The following RB1 variants were observed in gnomAD, a reference collection of about 807,000 sequenced individuals.
The protein encoded by RB1 is RB transcriptional corepressor 1.
A neutral mutation model predicts 135.4 loss-of-function variants in RB1; 18 were observed. That is an observed-to-expected ratio of 0.13 (90% CI 0.09 to 0.20). The LOEUF (loss-of-function observed/expected upper bound fraction) is 0.20. RB1 is among the 10% of genes least tolerant of loss of function. The pLI is 1.00. For synonymous variants in RB1, 365 were observed against 373.2 expected (o/e 0.98, Z 0.25); for missense variants, 868 against 1,110.0 (o/e 0.78, Z 3.10).
At chr13:48,320,275 C>T (rs1434017662) in intron 2 of RB1, 10 of 1,196,038 alleles carry the variant, frequency 8.4e-6, no homozygotes, top group African/African-American at 1.5e-5. Flanking sequence ...CTGTGCAGCG[C>T]GCTCATCGGT....
chr13:48,335,379 G>A (rs560899972), intron 2 of RB1, among the ~76,000 whole-genome samples: 2 of 151,686 alleles, frequency 1.3e-5, no homozygotes, highest in Non-Finnish European at 1.5e-5. Context: ...TTTAAGTTTT[G>A]TGGGTACATA....
chr13:48,343,734 G>A (rs1952467503), intron 3 of RB1, among the ~76,000 whole-genome samples: 1 of 152,140 alleles, frequency 6.6e-6, no homozygotes, highest in Non-Finnish European at 1.5e-5. Flanking sequence ...ATGCTATTCT[G>A]AGGCTGATTT....
At chr13:48,372,877 T>TAAAA (rs1952776037) in intron 11 of RB1, among the ~76,000 whole-genome samples, 1 of 152,160 alleles carries the variant, frequency 6.6e-6, no homozygotes, top group South Asian at 2.1e-4. Flanking sequence ...TACACACACA[T>TAAAA]AAAATTATAG....
chr13:48,396,025 A>G (rs1189873477), intron 17 of RB1, among the ~76,000 whole-genome samples: 1 of 152,224 alleles, frequency 6.6e-6, no homozygotes, highest in African/African-American at 2.4e-5. Flanking sequence ...AAAACATTCC[A>G]TGCTCATGGA....
Position 48,473,346 on chromosome 13 carries a change from T to C in RB1, c.2490-14T>C, listed in dbSNP as rs1349397582. On this transcript the variant is annotated splice_polypyrimidine_tract_variant and intron_variant, in intron 23 of 26. Coordinates refer to ENST00000267163, the MANE Select transcript of RB1 (RefSeq NM_000321.3). ...TTTTTTATTACTAATTGGTATTTCA[T>C]CTTAACTTGACAGAATCTTAGTATC... 1.3e-6 allele frequency: 2 copies of C among 1,569,486 alleles called. No individual in the cohort carries two copies. Among genetic ancestry groups the C allele is most frequent in the Non-Finnish European group, 1.8e-6 (2 of 1,141,130 alleles).
chr13:48,346,370 ATGTGTGTGTGTGTGTGTGTGTGTG>A (rs61503219), intron 4 of RB1, among the ~76,000 whole-genome samples: 29 of 131,132 alleles, frequency 2.2e-4, no homozygotes, highest in Middle Eastern at 3.8e-3. Context: ...TATTATATAT[ATGTGTGTGTGTGTGTGTGTGTGTG>A]TGTGTGTGTG....
At chr13:48,455,249 T>C (rs4151584) in intron 18 of RB1, among the ~76,000 whole-genome samples, 4,323 of 152,326 alleles carry the variant, frequency 0.028, 107 homozygotes, top group South Asian at 0.041. Flanking sequence ...AGCTATTCTT[T>C]GAGATGGGAA....
chr13:48,449,065 G>C (rs1949309126), intron 17 of RB1, among the ~76,000 whole-genome samples: 1 of 152,034 alleles, frequency 6.6e-6, no homozygotes, highest in African/African-American at 2.4e-5. Context: ...GTATTGCTTA[G>C]GCATGAGTAA....
intron 5 of RB1, 66 bp downstream of exon 5, chr13:48,347,929 A>G: frequency 8.1e-7 from 1 of 1,231,756 alleles, no homozygotes; most frequent in Non-Finnish European, 1.2e-6. Flanking sequence ...AATCTCAAAC[A>G]TCTTGATAGT....
At chr13:48,459,539 C>A in intron 19 of RB1, 149 bp from the exon 20 acceptor site, 1 of 799,412 alleles carries the variant, frequency 1.3e-6, no homozygotes, top group Non-Finnish European at 2.1e-6. Flanking sequence ...ACATGTTTCT[C>A]TGGGGGAAAG....
At chr13:48,334,844 A>G (rs1435942784) in intron 2 of RB1, among the ~76,000 whole-genome samples, 10 of 152,172 alleles carry the variant, frequency 6.6e-5, no homozygotes, top group African/African-American at 2.4e-4. Flanking sequence ...ATAATTGGTA[A>G]TCTCTTCAAG....
chr13:48,461,996 C>G (rs1222009895), intron 20 of RB1, among the ~76,000 whole-genome samples: 1 of 152,028 alleles, frequency 6.6e-6, no homozygotes, highest in Non-Finnish European at 1.5e-5. Flanking sequence ...CCACACCTGG[C>G]TAATTTCTGT....
At chr13:48,402,296 A>G (rs1948698867) in intron 17 of RB1, among the ~76,000 whole-genome samples, 1 of 152,016 alleles carries the variant, frequency 6.6e-6, no homozygotes, top group African/African-American at 2.4e-5. Context: ...CTGAAAATAA[A>G]CGTTTGCACA....
intron 9 of RB1, 97 bp downstream of exon 9, chr13:48,365,068 A>ATTT: frequency 8.0e-7 from 1 of 1,242,388 alleles, no homozygotes. Context: ...TGTGTATCAC[A>ATTT]TTTTTTTTTT....
Position 48,379,616 on chromosome 13 carries a change from T to G in RB1, c.1355T>G (p.Leu452Trp), listed in dbSNP as rs2138140900. 6.2e-7 allele frequency: 1 copy of G among 1,612,766 alleles called. No individual in the cohort carries two copies. The highest frequency in any genetic ancestry group is 8.5e-7 in the Non-Finnish European group (1 of 1,179,728). Residue 452 changes from leucine to tryptophan, a missense_variant, in exon 14 of 27, where the codon TTG becomes TGG. This residue lies in a region of RB1 where 641 missense variants were observed against 791.3 expected (regional missense o/e 0.81). Coordinates refer to ENST00000267163, the MANE Select transcript of RB1 (RefSeq NM_000321.3). ...TAGCGATACAAACTTGGAGTTCGCTTGTATTACCGAGTAATGGAATCCATG... is the reference window on the plus strand; with the variant it reads ...TAGCGATACAAACTTGGAGTTCGCTGGTATTACCGAGTAATGGAATCCATG... ...GSQRYKLGVR[L>W]YYRVMESMLK...
rs1268911747 is a variant in RB1, at chr13:48,364,953, A to G, written c.921A>G (p.Thr307=). Reference sequence around the variant, plus strand: ...TTATGAATTCTCTTGGACTTGTAACATCTAATGGACTTCCAGAGGTAATCT... The same window carrying G: ...TTATGAATTCTCTTGGACTTGTAACGTCTAATGGACTTCCAGAGGTAATCT... ...IPFMNSLGLV[T]SNGLPEVENL... is the part of the protein sequence containing the mutation. Residue 307 remains threonine (T), a synonymous_variant, in exon 9 of 27, where the codon ACA becomes ACG. Coordinates refer to ENST00000267163, the MANE Select transcript of RB1 (RefSeq NM_000321.3). The G allele has an allele frequency of 6.4e-7, 1 of 1,572,316 alleles. No homozygotes were observed. The highest frequency in any genetic ancestry group is 8.7e-7 in the Non-Finnish European group (1 of 1,154,716).
intron 2 of RB1, chr13:48,318,692 G>A (rs1309284909): frequency 6.5e-6 from 4 of 616,966 alleles, no homozygotes; most frequent in South Asian, 1.7e-5. Context: ...TGGCATGGCC[G>A]CCGCCTCTAC....
intron 14 of RB1, 57 bp downstream of exon 14, chr13:48,379,707 A>G: frequency 1.9e-6 from 3 of 1,568,428 alleles, no homozygotes; most frequent in Non-Finnish European, 2.6e-6. Context: ...CACGCCTGCA[A>G]TCCCAGCACT....
intron 17 of RB1, among the ~76,000 whole-genome samples, chr13:48,399,816 A>T (rs1948676794): frequency 6.6e-6 from 1 of 151,990 alleles, no homozygotes; most frequent in Non-Finnish European, 1.5e-5. Context: ...CCTATGTCTG[A>T]TCCCTAAGTC....
Sources: allele counts gnomAD v4.1 joint callset (sites outside exome capture counted in the v4.1 genomes callset), GRCh38; gene constraint gnomAD v4.1.1; regional missense constraint gnomAD v4.1.1; transcripts MANE v1.5; gene names NCBI Gene and HGNC (gene_info 2026-07-23, HGNC 2026-07-21).